Variants in LAYN observed in about 807,000 individuals in gnomAD.
LAYN encodes layilin.
LAYN carries 38 observed loss-of-function variants against 43.6 expected under a neutral mutation model. The observed-to-expected ratio is 0.87, with a 90% CI of 0.67 to 1.14. The LOEUF (loss-of-function observed/expected upper bound fraction) is 1.14, where lower values mean the gene tolerates loss of function less well. Ranked by LOEUF, LAYN falls within the 50% of genes most tolerant of loss-of-function variation. The pLI, the probability that LAYN is intolerant of heterozygous loss-of-function variation, is 0.00. For missense variants in LAYN, 479 were observed against 463.8 expected (o/e 1.03, Z -0.30); for synonymous variants, 168 against 172.9 (o/e 0.97, Z 0.22).
chr11:111,540,804 C>A lies in LAYN; in HGVS notation c.-40C>A. On this transcript the variant is annotated 5_prime_UTR_variant, in exon 1 of 7. Transcript: ENST00000375614. ...TCTGCCCGCCAGCCCGCTCCACCGC[C>A]GTAGCGCCCGAGTGTCGGGGGGCGC... The A allele has an allele frequency of 6.6e-7, 1 of 1,507,952 alleles. No individual in the cohort carries two copies. Among genetic ancestry groups the A allele is most frequent in the Non-Finnish European group, 8.8e-7 (1 of 1,133,898 alleles). The allele number at this position is 1,507,952 out of a possible 1,614,324, so 93.4% of individuals were successfully genotyped here.
intron 6 of LAYN, among the ~76,000 whole-genome samples, chr11:111,558,439 G>A (rs1051914025): frequency 2.6e-5 from 4 of 152,052 alleles, no homozygotes; most frequent in African/African-American, 9.7e-5. Context: ...TAAGGATTAA[G>A]GCAGTTAATA....
intron 1 of LAYN, 35 bp downstream of exon 1, chr11:111,540,963 G>C: frequency 6.6e-7 from 1 of 1,519,140 alleles, no homozygotes; most frequent in Non-Finnish European, 8.8e-7. Context: ...GCTGGTGCCG[G>C]GGTGGGCTCA....
chr11:111,545,019 A>G lies in LAYN; in HGVS notation c.383+799A>G, dbSNP rs531189628. ...TGAAGATTTTAAAATATATTCTTTAACATATACCTACTATGTACCCCCCCA... is the reference window on the plus strand; with the variant it reads ...TGAAGATTTTAAAATATATTCTTTAGCATATACCTACTATGTACCCCCCCA... On this transcript the variant is annotated intron_variant, in intron 2 of 6. Coordinates refer to ENST00000375614, the MANE Select transcript of LAYN (RefSeq NM_178834.5). 1.6e-3 allele frequency among the ~76,000 whole-genome samples: 243 copies of G among 150,838 alleles called. 2 individuals carry two copies. The highest frequency in any genetic ancestry group is 5.7e-3 in the African/African-American group (234 of 41,010).
intron 5 of LAYN, 65 bp downstream of exon 5, chr11:111,555,355 G>T (rs1249108365): frequency 2.6e-6 from 3 of 1,163,012 alleles, no homozygotes; most frequent in Non-Finnish European, 3.8e-6. Context: ...ATTACCCATG[G>T]TTGAATTCCC....
rs553565188 is a variant in LAYN, at chr11:111,540,750, C to T, written c.-94C>T. The T allele has an allele frequency of 6.8e-4, 858 of 1,265,198 alleles. 14 individuals carry two copies. The South Asian group carries it at 0.012, about 18-fold the overall frequency. The allele number at this position is 1,265,198 out of a possible 1,614,324, so 78.4% of individuals were successfully genotyped here. On this transcript the variant is annotated 5_prime_UTR_variant, in exon 1 of 7. Transcript: ENST00000375614. ...GTCCGTCGGTGGCCTAGAGATGCTG[C>T]TGCCGCGGTTGCAGTTGTCGCGCAC...
Position 111,557,617 on chromosome 11 carries a change from A to G in LAYN, c.735A>G (p.Val245=), listed in dbSNP as rs1477636955. The change falls in exon 6 of 7, where the codon GTA becomes GTG. Residue 245 remains valine (V), a synonymous_variant. Coordinates refer to ENST00000375614, the MANE Select transcript of LAYN (RefSeq NM_178834.5). ...TCCTCCTTGTGGTCACCACAGTTGT[A>G]TGTTGGGTTTGGATCTGTAGAAAAA... ...LLLLLVVTTV[V]CWVWICRKRK... 1.2e-6 allele frequency: 2 copies of G among 1,613,932 alleles called. No homozygotes were observed. Among genetic ancestry groups the G allele is most frequent in the African/African-American group, 1.3e-5 (1 of 74,908 alleles).
At chr11:111,546,776 A>G (rs1176747590) in intron 2 of LAYN, among the ~76,000 whole-genome samples, 1 of 152,110 alleles carries the variant, frequency 6.6e-6, no homozygotes, top group East Asian at 1.9e-4. Flanking sequence ...GTTGTGCTTC[A>G]TGGTCTCTGG....
In LAYN at chr11:111,549,558, G is replaced by A. The variant is rs1867702927; in HGVS notation, c.384-60G>A. The A allele has an allele frequency of 8.0e-6, 11 of 1,374,384 alleles. No homozygotes were observed. The South Asian group carries it at 1.8e-4, about 22-fold the overall frequency. The allele number at this position is 1,374,384 out of a possible 1,614,324, so 85.1% of individuals were successfully genotyped here. On this transcript the variant is annotated intron_variant, in intron 2 of 6. Coordinates refer to ENST00000375614, the MANE Select transcript of LAYN (RefSeq NM_178834.5). ...AGTGAGACTTGACGGGAAAACAAAG[G>A]CTTTGAAGTCTCAGGGGATCCTTCT... is the stretch of plus-strand genomic sequence containing the variant.
At chr11:111,554,686 T>C (rs1306882876) in intron 4 of LAYN, 93 bp downstream of exon 4, 8 of 1,132,120 alleles carry the variant, frequency 7.1e-6, no homozygotes, top group Non-Finnish European at 9.2e-6. Context: ...ACTGGATTAT[T>C]CAACAGAAAA....
chr11:111,540,337 A>G (rs572115179), upstream of LAYN: 252 of 160,438 alleles, frequency 1.6e-3, 2 homozygotes, highest in African/African-American at 5.8e-3. Flanking sequence ...AGCCCCAGGT[A>G]GGAGTCCACG....
chr11:111,560,711 A>T lies in LAYN; in HGVS notation c.*253A>T. Reference sequence around the variant, plus strand: ...CTGGCACATAGTAGAGTCTCAATAAATGTCACTTGGTTGGTTGTATCTAAC... The same window carrying T: ...CTGGCACATAGTAGAGTCTCAATAATTGTCACTTGGTTGGTTGTATCTAAC... On this transcript the variant is annotated 3_prime_UTR_variant, in exon 7 of 7. Transcript: ENST00000375614. 2.3e-6 allele frequency: 1 copy of T among 438,758 alleles called. No homozygotes were observed. The highest frequency in any genetic ancestry group is 4.0e-5 in the East Asian group (1 of 24,890). 27.2% of individuals were successfully genotyped at this position (438,758 alleles called of 1,614,324 possible). A position where few individuals can be genotyped will look rare whatever the true frequency, so the allele number is the denominator to read the frequency against.
chr11:111,556,059 C>A (rs1867834347), intron 5 of LAYN, among the ~76,000 whole-genome samples: 1 of 152,290 alleles, frequency 6.6e-6, no homozygotes, highest in Non-Finnish European at 1.5e-5. Context: ...CCCCAGGCCA[C>A]CTGCATTTCT....
chr11:111,544,479 G>A (rs1362220202), intron 2 of LAYN, among the ~76,000 whole-genome samples: 1 of 152,258 alleles, frequency 6.6e-6, no homozygotes, highest in Non-Finnish European at 1.5e-5. Context: ...TATAATGCTT[G>A]AAGCCAGTTG....
intron 5 of LAYN, among the ~76,000 whole-genome samples, chr11:111,557,074 C>T (rs931946232): frequency 6.6e-6 from 1 of 152,024 alleles, no homozygotes; most frequent in African/African-American, 2.4e-5. Context: ...CCCATCCCAT[C>T]GTGGGAACTC....
upstream of LAYN, chr11:111,540,693 G>A (rs1445003354): frequency 2.9e-6 from 2 of 698,962 alleles, no homozygotes; most frequent in Admixed American, 7.5e-5. Context: ...GCGACCGACT[G>A]ACTCCGCGCC....
intron 2 of LAYN, among the ~76,000 whole-genome samples, chr11:111,547,062 G>A (rs1199567235): frequency 1.3e-5 from 2 of 152,160 alleles, no homozygotes; most frequent in African/African-American, 4.8e-5. Context: ...CAAAATGGCT[G>A]TATTCCATGT....
At chr11:111,541,988 C>A (rs1867551504) in intron 1 of LAYN, among the ~76,000 whole-genome samples, 1 of 152,200 alleles carries the variant, frequency 6.6e-6, no homozygotes, top group Non-Finnish European at 1.5e-5. Flanking sequence ...CACTCACCCG[C>A]AGACTTCGGA....
intron 2 of LAYN, among the ~76,000 whole-genome samples, 169 bp from the exon 3 acceptor site, chr11:111,549,449 C>T (rs761586666): frequency 1.1e-4 from 16 of 152,182 alleles, no homozygotes; most frequent in East Asian, 3.8e-4. Flanking sequence ...TATGAGAATG[C>T]GTGTGGTTCT....
intron 3 of LAYN, among the ~76,000 whole-genome samples, chr11:111,551,813 C>T (rs959581892): frequency 3.3e-5 from 5 of 152,186 alleles, no homozygotes; most frequent in African/African-American, 4.8e-5. Flanking sequence ...TTAGGAAAAT[C>T]GGTAGAATCT....
Sources: allele counts gnomAD v4.1 joint callset (sites outside exome capture counted in the v4.1 genomes callset), GRCh38; gene constraint gnomAD v4.1.1; transcripts MANE v1.5; gene names NCBI Gene and HGNC (gene_info 2026-07-23, HGNC 2026-07-21).